The following PTPN22 variants were observed in gnomAD, a reference collection of about 807,000 sequenced individuals.
PTPN22 encodes the protein tyrosine-protein phosphatase non-receptor type 22.
A neutral mutation model predicts 103.3 loss-of-function variants in PTPN22; 85 were observed. That is an observed-to-expected ratio of 0.82 (90% CI 0.69 to 0.99). PTPN22 has a LOEUF of 0.99. Ranked by LOEUF, PTPN22 falls within the 50% of genes least tolerant of loss-of-function variation. PTPN22 has a pLI of 0.00. For synonymous variants in PTPN22, 323 were observed against 310.2 expected (o/e 1.04, Z -0.43); for missense variants, 865 against 936.9 (o/e 0.92, Z 1.00).
intron 18 of PTPN22, among the ~76,000 whole-genome samples, chr1:113,827,591 A>G (rs1662200102): frequency 1.3e-5 from 2 of 152,304 alleles, no homozygotes; most frequent in African/African-American, 4.8e-5. Context: ...ACTATTAATT[A>G]TGTTGTTTCC....
At chr1:113,837,312 T>C (rs1410239893) in intron 13 of PTPN22, among the ~76,000 whole-genome samples, 4 of 151,372 alleles carry the variant, frequency 2.6e-5, no homozygotes, top group Non-Finnish European at 5.9e-5. Flanking sequence ...TAGCCGGGCG[T>C]GGTGGCGCGC....
At chr1:113,858,970 A>G in intron 3 of PTPN22, 32 bp downstream of exon 3, 1 of 1,605,208 alleles carries the variant, frequency 6.2e-7, no homozygotes, top group Non-Finnish European at 8.5e-7. Context: ...ATCTAGAGAA[A>G]TATGGAATGC....
chr1:113,854,855 G>A, intron 8 of PTPN22, 52 bp downstream of exon 8: 2 of 1,572,780 alleles, frequency 1.3e-6, no homozygotes, highest in Non-Finnish European at 1.7e-6. Flanking sequence ...GTCCTGGCCA[G>A]ACTCTGACAT....
intron 13 of PTPN22, among the ~76,000 whole-genome samples, chr1:113,836,921 G>A (rs1481635600): frequency 6.6e-6 from 1 of 151,694 alleles, no homozygotes; most frequent in African/African-American, 2.4e-5. Context: ...GTGAGATTCT[G>A]TTTCAAAAAA....
intron 11 of PTPN22, 122 bp from the exon 12 acceptor site, chr1:113,838,742 A>C: frequency 7.1e-7 from 1 of 1,410,242 alleles, no homozygotes; most frequent in East Asian, 2.6e-5. Context: ...AATTCATGAA[A>C]GAGTTAGATT....
chr1:113,845,282 C>T (rs1421042890), intron 11 of PTPN22, among the ~76,000 whole-genome samples: 4 of 151,496 alleles, frequency 2.6e-5, no homozygotes, highest in Non-Finnish European at 5.9e-5. Context: ...CTGCAACCTC[C>T]GCCTACCAGG....
intron 14 of PTPN22, 54 bp downstream of exon 14, chr1:113,834,856 T>G: frequency 7.4e-7 from 1 of 1,358,370 alleles, no homozygotes; most frequent in Non-Finnish European, 1.0e-6. Context: ...ATTAAAGGCA[T>G]GAGCCACCAT....
exon 13 of PTPN22, chr1:113,837,741 T>C (rs1450427882): frequency 1.2e-6 from 2 of 1,613,318 alleles, no homozygotes; most frequent in Non-Finnish European, 1.7e-6. Flanking sequence ...GCTTCTCAGG[T>C]AAATCAAGAG....
chr1:113,861,491 T>G (rs1665591019), intron 1 of PTPN22, among the ~76,000 whole-genome samples: 1 of 152,026 alleles, frequency 6.6e-6, no homozygotes, highest in African/African-American at 2.4e-5. Flanking sequence ...CTGCCCGCCT[T>G]GGCCTCCCGA....
At chr1:113,859,923 G>A (rs972938854) in intron 1 of PTPN22, among the ~76,000 whole-genome samples, 2 of 148,792 alleles carry the variant, frequency 1.3e-5, no homozygotes. Context: ...TCTATATCTA[G>A]CAAAATTTCA....
At chr1:113,837,504 G>A (rs1045608906) in intron 13 of PTPN22, 86 bp downstream of exon 13, 5 of 909,068 alleles carry the variant, frequency 5.5e-6, no homozygotes, top group Non-Finnish European at 8.3e-6. Context: ...AAGCAGAGGA[G>A]AAGAGGGAAG....
At chr1:113,871,355 G>T (rs957533565) in intron 1 of PTPN22, among the ~76,000 whole-genome samples, 182 bp downstream of exon 1, 2 of 152,030 alleles carry the variant, frequency 1.3e-5, no homozygotes, top group Admixed American at 1.3e-4. Context: ...CAGTAATTTT[G>T]AGAGAATACC....
chr1:113,824,816 T>C (rs187223221), intron 19 of PTPN22, among the ~76,000 whole-genome samples: 2 of 152,218 alleles, frequency 1.3e-5, no homozygotes, highest in African/African-American at 4.8e-5. Context: ...CTGGGCAATA[T>C]GGTGAAACCC....
chr1:113,826,348 AAGAAAGAAAG>A (rs997287272), intron 18 of PTPN22, among the ~76,000 whole-genome samples: 54 of 150,986 alleles, frequency 3.6e-4, no homozygotes, highest in African/African-American at 1.3e-3. Context: ...CTGTCTAAAA[AAGAAAGAAAG>A]AGAAAGAGAG....
At chr1:113,817,076 A>C (rs1661216333) in intron 20 of PTPN22, among the ~76,000 whole-genome samples, 2 of 152,200 alleles carry the variant, frequency 1.3e-5, no homozygotes, top group Admixed American at 1.3e-4. Context: ...GTTGATGTAC[A>C]TTTTACTCTT....
In PTPN22 at chr1:113,843,288, G is replaced by A. The variant is rs1170346090; in HGVS notation, c.916-4668C>T. Among the ~76,000 whole-genome samples the A allele has an allele frequency of 8.1e-5, 6 of 74,012 alleles. No homozygotes were observed. The East Asian group carries it at 1.4e-3, about 18-fold the overall frequency. 48.6% of individuals were successfully genotyped at this position (74,012 alleles called of 152,430 possible). A position where few individuals can be genotyped will look rare whatever the true frequency, so the allele number is the denominator to read the frequency against. On this transcript the variant is annotated intron_variant, in intron 11 of 20. Coordinates refer to ENST00000359785, the Ensembl canonical transcript of PTPN22. Reference sequence around the variant, plus strand: ...TGATGGATGAATGGATAAACAAAATGTGTGTGTGTGTGTGTGTGTGGTGTG... The same window carrying A: ...TGATGGATGAATGGATAAACAAAATATGTGTGTGTGTGTGTGTGTGGTGTG...
chr1:113,861,285 G>C (rs1665569065), intron 1 of PTPN22, among the ~76,000 whole-genome samples: 1 of 152,104 alleles, frequency 6.6e-6, no homozygotes, highest in African/African-American at 2.4e-5. Context: ...CTATCGCCCA[G>C]GCTGGAGTGC....
chr1:113,813,898 C>G (rs1409587305), exon 21 of PTPN22: 2 of 152,198 alleles, frequency 1.3e-5, no homozygotes, highest in Non-Finnish European at 2.9e-5. Context: ...TCAATTTGCC[C>G]TATTGGACTT....
intron 20 of PTPN22, among the ~76,000 whole-genome samples, chr1:113,816,289 A>G (rs1169503398): frequency 6.6e-6 from 1 of 152,090 alleles, no homozygotes; most frequent in Non-Finnish European, 1.5e-5. Context: ...CCTGGGCAAC[A>G]TAGTGAAACC....
Sources: gnomAD v4.1 joint callset for allele counts (sites outside exome capture counted in the v4.1 genomes callset) on GRCh38, gnomAD v4.1.1 for gene constraint, MANE v1.5 for transcripts, NCBI Gene and HGNC (gene_info 2026-07-23, HGNC 2026-07-21) for gene names.